The following ATP8B4 variants were observed in gnomAD, a reference collection of about 807,000 sequenced individuals.
The protein encoded by ATP8B4 is probable phospholipid-transporting ATPase IM.
In ATP8B4, 133 loss-of-function variants were observed where a neutral mutation model predicts 145.6. That is an observed-to-expected ratio of 0.91 (90% CI 0.79 to 1.05). ATP8B4 has a LOEUF of 1.05. Among genes scored for constraint, ATP8B4 ranks in the 50% least tolerant of loss-of-function variants. The pLI is 0.00. For missense variants in ATP8B4, 1,458 were observed against 1,425.2 expected, an observed-to-expected ratio of 1.02 and a Z score of -0.37; for synonymous variants, 507 against 492.9, an observed-to-expected ratio of 1.03 and a Z score of -0.38.
At chr15:50,053,138 T>A (rs1366640845) in intron 3 of ATP8B4, among the ~76,000 whole-genome samples, 1 of 152,222 alleles carries the variant, frequency 6.6e-6, no homozygotes, top group East Asian at 1.9e-4. Flanking sequence ...GCTCTTACTA[T>A]GTGTACTAAG....
In ATP8B4 at chr15:50,138,915, G is replaced by C. The variant is rs566534646; in HGVS notation, c.-42-31907C>G. Among the ~76,000 whole-genome samples the C allele has an allele frequency of 3.8e-4, 58 of 152,270 alleles. 1 individual carries two copies. Among genetic ancestry groups the C allele is most frequent in the African/African-American group, 1.4e-3 (57 of 41,548 alleles). ...CGGTATAGGGGAAATTGTGTGAATA[G>C]ATAAGGTAATTAAATGTGTCTGTTC... is the stretch of plus-strand genomic sequence containing the variant. On this transcript the variant is annotated intron_variant, in intron 1 of 3. Transcript: ENST00000558829.
intron 1 of ATP8B4, among the ~76,000 whole-genome samples, chr15:50,124,243 A>T (rs1490698312): frequency 6.6e-6 from 1 of 152,122 alleles, no homozygotes; most frequent in African/African-American, 2.4e-5. Context: ...AGAGAAGGTA[A>T]CTCAACTCCT....
intron 2 of ATP8B4, among the ~76,000 whole-genome samples, chr15:50,097,252 C>T (rs1224664352): frequency 6.6e-6 from 1 of 151,946 alleles, no homozygotes; most frequent in African/African-American, 2.4e-5. Context: ...GGTTCCATAT[C>T]TTATTCATCT....
intron 1 of ATP8B4, chr15:50,114,432 G>A (rs1204202552): frequency 6.6e-6 from 1 of 152,190 alleles, no homozygotes; most frequent in Non-Finnish European, 1.5e-5. Context: ...TTACAGAAAT[G>A]CATTCTAGTT....
intron 9 of ATP8B4, among the ~76,000 whole-genome samples, chr15:49,993,656 T>C (rs1472225248): frequency 1.3e-5 from 2 of 152,166 alleles, no homozygotes; most frequent in Non-Finnish European, 1.5e-5. Context: ...GATGTTTTCT[T>C]AGAAACAGGA....
chr15:49,876,551 G>A, intron 24 of ATP8B4, 28 bp from the exon 25 acceptor site: 1 of 1,613,172 alleles, frequency 6.2e-7, no homozygotes, highest in Non-Finnish European at 8.5e-7. Flanking sequence ...TTTCAGTGGA[G>A]AAGGATTAAA....
intron 3 of ATP8B4, among the ~76,000 whole-genome samples, chr15:50,072,938 C>A (rs1254875768): frequency 9.9e-5 from 2 of 20,272 alleles, no homozygotes; most frequent in Non-Finnish European, 1.8e-4. Context: ...CTCTCTCTCT[C>A]TCTCTCTCTC....
intron 23 of ATP8B4, among the ~76,000 whole-genome samples, chr15:49,882,163 T>G (rs931012376): frequency 1.7e-4 from 26 of 152,066 alleles, no homozygotes; most frequent in Non-Finnish European, 2.8e-4. Context: ...CCCAGGAAAC[T>G]ACTGAAGGCA....
intron 14 of ATP8B4, among the ~76,000 whole-genome samples, chr15:49,936,373 T>C (rs746289963): frequency 5.3e-5 from 8 of 152,170 alleles, no homozygotes; most frequent in Non-Finnish European, 1.0e-4. Context: ...GCAAAAGTTA[T>C]GAGGCTTTCT....
intron 11 of ATP8B4, among the ~76,000 whole-genome samples, chr15:49,980,588 C>A (rs2046070479): frequency 6.6e-6 from 1 of 152,048 alleles, no homozygotes; most frequent in South Asian, 2.1e-4. Flanking sequence ...AAAAAAAATT[C>A]ATAAGAGAAA....
chr15:49,966,835 C>A (rs1219776096), intron 13 of ATP8B4, among the ~76,000 whole-genome samples: 1 of 152,204 alleles, frequency 6.6e-6, no homozygotes, highest in Non-Finnish European at 1.5e-5. Flanking sequence ...AGACATCTCC[C>A]AGCGGAGGTC....
At chr15:49,996,272 G>A (rs546861815) in intron 9 of ATP8B4, among the ~76,000 whole-genome samples, 2 of 152,228 alleles carry the variant, frequency 1.3e-5, no homozygotes, top group South Asian at 4.1e-4. Context: ...CTGTCTTCAT[G>A]AAGTTTGAGG....
At position 49,876,266 on chromosome 15, in the gene ATP8B4, C is replaced by T. The variant is rs367918352; in HGVS notation, c.3027+12G>A. On this transcript the variant is annotated intron_variant, in intron 25 of 27. Transcript: ENST00000284509. ...ACCCATCAAGTTAAGGTGCTTACAC[C>T]GACAGCGTTACCTGCACACTGACCA... 3.4e-5 allele frequency: 55 copies of T among 1,612,068 alleles called. No homozygotes were observed. The African/African-American group carries it at 3.5e-4, about 10-fold the overall frequency.
intron 10 of ATP8B4, among the ~76,000 whole-genome samples, chr15:49,986,764 G>A (rs1382381495): frequency 6.6e-6 from 1 of 152,232 alleles, no homozygotes; most frequent in African/African-American, 2.4e-5. Context: ...TGATGCTACT[G>A]TAAGCTTTCT....
Position 49,876,495 on chromosome 15 carries a change from C to T in ATP8B4, c.2810G>A (p.Cys937Tyr), listed in dbSNP as rs1598841466. The T allele has an allele frequency of 4.3e-6, 7 of 1,614,046 alleles. No individual in the cohort carries two copies. The highest frequency in any genetic ancestry group is 5.9e-6 in the Non-Finnish European group (7 of 1,179,910). ...CTGTCCTGGTTTGTAGAGCTGGGGACAGTCCACGCTGTTCTGGTCACTCAC... is the reference window on the plus strand; with the variant it reads ...CTGTCCTGGTTTGTAGAGCTGGGGATAGTCCACGCTGTTCTGGTCACTCAC... ...QDVSDQNSVD[C>Y]PQLYKPGQLN... Residue 937 changes from cysteine (C) to tyrosine (Y), a missense_variant, in exon 25 of 28, where the codon TGT becomes TAT. Transcript: ENST00000284509.
intron 1 of ATP8B4, among the ~76,000 whole-genome samples, chr15:50,157,130 C>A (rs1201409328): frequency 1.3e-5 from 2 of 152,116 alleles, no homozygotes; most frequent in East Asian, 3.8e-4. Flanking sequence ...GACATACCCA[C>A]AGATAGAATA....
intron 1 of ATP8B4, among the ~76,000 whole-genome samples, chr15:50,108,718 A>C (rs191482281): frequency 2.6e-5 from 4 of 152,244 alleles, no homozygotes; most frequent in Admixed American, 2.6e-4. Context: ...CAAATCAGAG[A>C]TAGGAGGAGC....
Position 50,139,267 on chromosome 15 carries a change from T to A in ATP8B4, c.-42-32259A>T, listed in dbSNP as rs544627452. 4.6e-5 allele frequency among the ~76,000 whole-genome samples: 7 copies of A among 152,220 alleles called. No homozygotes were observed. The South Asian group carries it at 1.0e-3, about 23-fold the overall frequency. ...GAATACCATGCAGCCATAAAAAGAA[T>A]GAGTTCATGTCCTTTGCAGGGACAT... On this transcript the variant is annotated intron_variant, in intron 1 of 3. Transcript: ENST00000558829.
At chr15:49,997,463 C>T (rs998953551) in intron 8 of ATP8B4, among the ~76,000 whole-genome samples, 5 of 152,100 alleles carry the variant, frequency 3.3e-5, no homozygotes, top group Admixed American at 3.3e-4. Flanking sequence ...TTCTCTTATA[C>T]TGTAGCTTAA....
Sources: gnomAD v4.1 joint callset for allele counts (sites outside exome capture counted in the v4.1 genomes callset) on GRCh38, gnomAD v4.1.1 for gene constraint, MANE v1.5 for transcripts, NCBI Gene and HGNC (gene_info 2026-07-23, HGNC 2026-07-21) for gene names.